The following AUTS2 variants were observed in gnomAD, a reference collection of about 807,000 sequenced individuals.
The protein encoded by AUTS2 is autism susceptibility gene 2 protein.
In AUTS2, 17 loss-of-function variants were observed where a neutral mutation model predicts 112.4. The observed-to-expected ratio is 0.15, with a 90% confidence interval of 0.10 to 0.23. AUTS2 has a LOEUF of 0.23. AUTS2 is among the 10% of genes least tolerant of loss of function. The pLI is 1.00. For synonymous variants in AUTS2, 751 were observed against 702.7 expected (o/e 1.07, Z -1.09); for missense variants, 1,510 against 1,701.6 (o/e 0.89, Z 1.98).
chr7:70,730,760 A>G (rs1165007434), intron 6 of AUTS2, among the ~76,000 whole-genome samples: 1 of 152,158 alleles, frequency 6.6e-6, no homozygotes, highest in African/African-American at 2.4e-5. Flanking sequence ...CATTTCAGGT[A>G]TGTACCTAAG....
At chr7:69,625,556 G>T (rs911972223) in intron 1 of AUTS2, among the ~76,000 whole-genome samples, 1 of 152,060 alleles carries the variant, frequency 6.6e-6, no homozygotes, top group African/African-American at 2.4e-5. Flanking sequence ...AAAACATGAC[G>T]GATTTCGAAA....
intron 1 of AUTS2, among the ~76,000 whole-genome samples, chr7:69,612,738 T>A (rs1793115469): frequency 6.6e-6 from 1 of 152,244 alleles, no homozygotes; most frequent in African/African-American, 2.4e-5. Context: ...ATTATAGGCA[T>A]GAGCCACTGC....
chr7:70,080,499 T>TTGGTTGGAA (rs1803248081), intron 2 of AUTS2, among the ~76,000 whole-genome samples: 2 of 152,246 alleles, frequency 1.3e-5, no homozygotes, highest in Admixed American at 1.3e-4. Flanking sequence ...AATTTTCCCA[T>TTGGTTGGAA]TTGGTTGGAA....
At position 70,621,838 on chromosome 7, in the gene AUTS2, CTTTT is replaced by C. The variant is rs67123941; in HGVS notation, c.691-76707_691-76704del. On this transcript the variant is annotated intron_variant, in intron 5 of 18. Transcript: ENST00000342771. The stretch of plus-strand genomic sequence containing the variant: ...GCTTACGTTAGTGCATAGTCATTCT[CTTTT>C]TTTTTTTTTTTTTTTTTTTTTTTGG... 9.6e-3 allele frequency among the ~76,000 whole-genome samples: 643 copies of C among 66,756 alleles called. 1 individual carries two copies. Among genetic ancestry groups the C allele is most frequent in the Non-Finnish European group, 0.013 (482 of 38,338 alleles). 43.8% of individuals were successfully genotyped at this position (66,756 alleles called of 152,430 possible).
At chr7:70,422,839 A>G (rs529610725) in intron 4 of AUTS2, among the ~76,000 whole-genome samples, 3 of 152,204 alleles carry the variant, frequency 2.0e-5, no homozygotes, top group African/African-American at 4.8e-5. Flanking sequence ...ACACTTTCAG[A>G]TCTTTTAGTG....
intron 1 of AUTS2, among the ~76,000 whole-genome samples, chr7:69,821,059 G>A (rs1790967709): frequency 6.6e-6 from 1 of 152,158 alleles, no homozygotes; most frequent in Admixed American, 6.5e-5. Context: ...TTAAAAGTGA[G>A]AGAGGCACTC....
chr7:69,821,993 G>A (rs1791021653), intron 1 of AUTS2, among the ~76,000 whole-genome samples: 1 of 151,106 alleles, frequency 6.6e-6, no homozygotes, highest in Admixed American at 6.6e-5. Flanking sequence ...GAAGGTTATT[G>A]AGCAGGGAAG....
chr7:70,039,612 T>G (rs1584620978), intron 2 of AUTS2, among the ~76,000 whole-genome samples: 1 of 152,024 alleles, frequency 6.6e-6, no homozygotes, highest in Non-Finnish European at 1.5e-5. Flanking sequence ...GCCTTCCAAA[T>G]TGCTGGGATT....
intron 4 of AUTS2, among the ~76,000 whole-genome samples, chr7:70,155,137 A>G (rs1807673556): frequency 6.6e-6 from 1 of 152,144 alleles, no homozygotes; most frequent in Non-Finnish European, 1.5e-5. Context: ...TGGCACTGTT[A>G]TGGTGGTATG....
chr7:69,911,062 A>C (rs1462885014), intron 2 of AUTS2, among the ~76,000 whole-genome samples: 1 of 152,216 alleles, frequency 6.6e-6, no homozygotes, highest in East Asian at 1.9e-4. Context: ...TGGGAGTTAC[A>C]ATTCAAGATC....
chr7:70,282,580 C>T (rs767312377), intron 4 of AUTS2, among the ~76,000 whole-genome samples: 5 of 152,130 alleles, frequency 3.3e-5, no homozygotes, highest in Non-Finnish European at 5.9e-5. Flanking sequence ...ACCCTCATGA[C>T]CTAACCACCT....
rs576585768 is a variant in AUTS2, at chr7:70,362,303, C to G, written c.661-73449C>G. 3.3e-4 allele frequency among the ~76,000 whole-genome samples: 50 copies of G among 152,206 alleles called. No homozygotes were observed. The South Asian group carries it at 0.01, about 31-fold the overall frequency. On this transcript the variant is annotated intron_variant, in intron 4 of 18. Coordinates refer to ENST00000342771, the MANE Select transcript of AUTS2 (RefSeq NM_015570.4). ...AATACCTGTCTTCCCTCCCTTGTCT[C>G]TCTCCTCTTCCCTTCCTTTCTCCAC...
chr7:69,743,603 G>T (rs1787360382), intron 1 of AUTS2, among the ~76,000 whole-genome samples: 1 of 151,996 alleles, frequency 6.6e-6, no homozygotes, highest in Non-Finnish European at 1.5e-5. Context: ...TTCTGTCACC[G>T]TAAAAATTCC....
At chr7:69,697,264 G>T (rs2129184439) in intron 1 of AUTS2, among the ~76,000 whole-genome samples, 1 of 152,114 alleles carries the variant, frequency 6.6e-6, no homozygotes, top group South Asian at 2.1e-4. Context: ...CTTTGCCAAG[G>T]GCAAATGAAC....
intron 1 of AUTS2, among the ~76,000 whole-genome samples, chr7:69,724,186 C>G (rs537210156): frequency 2.6e-5 from 4 of 152,140 alleles, no homozygotes; most frequent in Admixed American, 1.3e-4. Flanking sequence ...CCCCATGGGG[C>G]GAGTCACATT....
chr7:70,305,733 CT>C (rs546944634), intron 4 of AUTS2, among the ~76,000 whole-genome samples: 136 of 152,290 alleles, frequency 8.9e-4, no homozygotes, highest in Non-Finnish European at 1.4e-3. Flanking sequence ...GAAAGATAGA[CT>C]TTAAACAGTG....
In AUTS2 at chr7:70,052,515, A is replaced by G. The variant is rs149397316; in HGVS notation, c.523-65617A>G. On this transcript the variant is annotated intron_variant, in intron 2 of 18. Transcript: ENST00000342771. ...CTGGATACAGCTGTACAGGTTGTTCACTGCATGAAGGTGGCTGGCTGAGGT... is the reference window on the plus strand; with the variant it reads ...CTGGATACAGCTGTACAGGTTGTTCGCTGCATGAAGGTGGCTGGCTGAGGT... Among the ~76,000 whole-genome samples the G allele has an allele frequency of 8.3e-3, 1,260 of 152,300 alleles. 10 individuals carry two copies. Among genetic ancestry groups the G allele is most frequent in the Middle Eastern group, 0.02 (6 of 294 alleles).
chr7:70,727,108 C>T (rs1410436730), intron 6 of AUTS2, among the ~76,000 whole-genome samples: 3 of 152,152 alleles, frequency 2.0e-5, no homozygotes, highest in Non-Finnish European at 4.4e-5. Flanking sequence ...CTTTCAGAAC[C>T]TCTGCAGTGT....
intron 4 of AUTS2, among the ~76,000 whole-genome samples, chr7:70,183,833 CTTTTTT>C (rs60689973): frequency 7.2e-6 from 1 of 137,956 alleles, no homozygotes; most frequent in African/African-American, 2.7e-5. Flanking sequence ...CTGTCTTTTT[CTTTTTT>C]TTTTTTTTTT....
Sources: gnomAD v4.1 joint callset for allele counts (sites outside exome capture counted in the v4.1 genomes callset) on GRCh38, gnomAD v4.1.1 for gene constraint, MANE v1.5 for transcripts, NCBI Gene and HGNC (gene_info 2026-07-23, HGNC 2026-07-21) for gene names.